Variants in PPP1R9A observed in about 807,000 individuals in gnomAD.
The protein encoded by PPP1R9A is protein phosphatase 1 regulatory subunit 9A.
PPP1R9A carries 59 observed loss-of-function variants against 141.9 expected under a neutral mutation model. That is an observed-to-expected ratio of 0.42 (90% confidence interval 0.34 to 0.52). The LOEUF (loss-of-function observed/expected upper bound fraction) is 0.52. Among genes scored for constraint, PPP1R9A ranks in the 20% least tolerant of loss-of-function variants. The probability of loss-of-function intolerance (pLI) is 0.10; values close to 1 mark genes in which losing one functional copy is unlikely to be tolerated. For missense variants in PPP1R9A, 1,444 were observed against 1,611.9 expected, an observed-to-expected ratio of 0.90 and a Z score of 1.78; for synonymous variants, 500 against 569.7, an observed-to-expected ratio of 0.88 and a Z score of 1.74.
chr7:94,961,748 G>A (rs1349733763), intron 2 of PPP1R9A, among the ~76,000 whole-genome samples: 2 of 151,842 alleles, frequency 1.3e-5, no homozygotes, highest in Admixed American at 1.3e-4. Context: ...GAAAATGTTT[G>A]CCCTTATCGT....
intron 2 of PPP1R9A, among the ~76,000 whole-genome samples, chr7:94,928,243 G>GGT (rs113030678): frequency 4.0e-5 from 6 of 151,550 alleles, no homozygotes; most frequent in African/African-American, 1.2e-4. Context: ...ACATGAAGGG[G>GGT]GTGTGTGTGT....
intron 2 of PPP1R9A, among the ~76,000 whole-genome samples, chr7:95,081,765 T>G (rs1815870267): frequency 6.6e-6 from 1 of 152,212 alleles, no homozygotes; most frequent in African/African-American, 2.4e-5. Flanking sequence ...TTTTCAGAAT[T>G]TTGGAAATTA....
chr7:95,192,406 A>G (rs868734233), intron 5 of PPP1R9A, among the ~76,000 whole-genome samples: 4 of 151,944 alleles, frequency 2.6e-5, no homozygotes, highest in Non-Finnish European at 5.9e-5. Context: ...TGGCATCTCT[A>G]TTTTCTTTTC....
At chr7:95,289,251 T>C (rs986452325) in intron 19 of PPP1R9A, among the ~76,000 whole-genome samples, 3 of 152,166 alleles carry the variant, frequency 2.0e-5, no homozygotes, top group Admixed American at 2.0e-4. Context: ...GAGACCAAGG[T>C]GGCATCCATC....
intron 3 of PPP1R9A, among the ~76,000 whole-genome samples, chr7:95,119,432 T>C (rs897508927): frequency 2.0e-5 from 3 of 152,332 alleles, no homozygotes; most frequent in South Asian, 2.1e-4. Flanking sequence ...TTTAGAGATA[T>C]GGACATTGAG....
At chr7:95,013,054 A>T (rs1490596378) in intron 2 of PPP1R9A, among the ~76,000 whole-genome samples, 1 of 152,114 alleles carries the variant, frequency 6.6e-6, no homozygotes, top group Non-Finnish European at 1.5e-5. Context: ...AATTCACATT[A>T]TTCCTCAAAG....
chr7:95,117,832 A>G (rs914807052), intron 3 of PPP1R9A, among the ~76,000 whole-genome samples: 5 of 152,182 alleles, frequency 3.3e-5, no homozygotes, highest in Non-Finnish European at 7.3e-5. Context: ...CAGCCAGAAT[A>G]CTAATACATA....
chr7:95,184,192 A>G (rs1834296920), intron 5 of PPP1R9A, among the ~76,000 whole-genome samples: 1 of 152,206 alleles, frequency 6.6e-6, no homozygotes, highest in Non-Finnish European at 1.5e-5. Context: ...AAAAGCTATC[A>G]AATTCAGAGA....
chr7:95,185,310 T>A (rs962781429), intron 5 of PPP1R9A, among the ~76,000 whole-genome samples: 2 of 152,120 alleles, frequency 1.3e-5, no homozygotes, highest in African/African-American at 4.8e-5. Flanking sequence ...TTCATACATT[T>A]GTTAGCCACT....
Position 95,198,439 on chromosome 7 carries a change from G to T in PPP1R9A, c.1845G>T (p.Glu615Asp), listed in dbSNP as rs1462369576. 6.2e-7 allele frequency: 1 copy of T among 1,613,184 alleles called. No homozygotes were observed. The highest frequency in any genetic ancestry group is 8.5e-7 in the Non-Finnish European group (1 of 1,179,634). The change falls in exon 6 of 20, where the codon GAG (glutamate) becomes GAT (aspartate). Residue 615 changes from glutamate to aspartate, a missense_variant. This residue lies in a region of PPP1R9A where 488 missense variants were observed against 542.0 expected (regional missense o/e 0.90). Coordinates refer to ENST00000433360, the MANE Select transcript of PPP1R9A (RefSeq NM_001166160.2). Reference protein sequence around the residue: ...QTLEQERRQRELLEQHYAQYD... With the variant: ...QTLEQERRQRDLLEQHYAQYD... ...TGGAACAGGAGAGGCGCCAGAGAGA[G>T]CTGCTGGAACAGCACTATGCCCAGT...
chr7:95,039,512 C>T (rs1808914609), intron 2 of PPP1R9A, among the ~76,000 whole-genome samples: 1 of 149,956 alleles, frequency 6.7e-6, no homozygotes, highest in Non-Finnish European at 1.5e-5. Flanking sequence ...GAGCCAAGAT[C>T]ATGCCACTGT....
chr7:95,043,436 A>T lies in PPP1R9A; in HGVS notation c.1396-67823A>T, dbSNP rs181749795. Among the ~76,000 whole-genome samples, 218 of 152,316 alleles carry T rather than the reference A, an allele frequency of 1.4e-3. 2 individuals carry two copies. Among genetic ancestry groups the T allele is most frequent in the African/African-American group, 4.7e-3 (194 of 41,564 alleles). ...ACATGATGTTTTGTGTGGAGTCCTG[A>T]TAAGTAAGCAACAAGGAGGAAGGGC... On this transcript the variant is annotated intron_variant, in intron 2 of 19. Coordinates refer to ENST00000433360, the MANE Select transcript of PPP1R9A (RefSeq NM_001166160.2).
intron 2 of PPP1R9A, among the ~76,000 whole-genome samples, chr7:95,077,555 GA>G (rs1366740538): frequency 3.3e-5 from 5 of 151,972 alleles, no homozygotes; most frequent in Non-Finnish European, 7.4e-5. Flanking sequence ...TGTAGAGGAG[GA>G]AAAAATAATT....
At chr7:94,988,339 A>C (rs183877678) in intron 2 of PPP1R9A, among the ~76,000 whole-genome samples, 2 of 152,254 alleles carry the variant, frequency 1.3e-5, no homozygotes, top group Non-Finnish European at 2.9e-5. Flanking sequence ...CTTATTTTAC[A>C]TATTTGTAAC....
intron 4 of PPP1R9A, among the ~76,000 whole-genome samples, chr7:95,131,637 TA>T (rs1318905682): frequency 3.3e-5 from 5 of 151,564 alleles, no homozygotes; most frequent in African/African-American, 1.2e-4. Flanking sequence ...ATATGAATTT[TA>T]ACTTTTTTTT....
chr7:95,286,078 T>C, intron 17 of PPP1R9A, 128 bp from the exon 18 acceptor site: 1 of 1,431,480 alleles, frequency 7.0e-7, no homozygotes, highest in East Asian at 2.4e-5. Context: ...CCATTGAAGG[T>C]CATCACCAAA....
chr7:95,177,938 G>A (rs1433005008), intron 5 of PPP1R9A, among the ~76,000 whole-genome samples: 2 of 151,986 alleles, frequency 1.3e-5, no homozygotes, highest in Non-Finnish European at 2.9e-5. Context: ...TAATAGTGGG[G>A]GACTTCAGTA....
At chr7:94,949,225 A>G (rs896997318) in intron 2 of PPP1R9A, among the ~76,000 whole-genome samples, 2 of 152,148 alleles carry the variant, frequency 1.3e-5, no homozygotes, top group Non-Finnish European at 2.9e-5. Context: ...CTCAAGGGCT[A>G]GCACTTGCTT....
intron 4 of PPP1R9A, among the ~76,000 whole-genome samples, chr7:95,139,056 A>G (rs1826170490): frequency 6.6e-6 from 1 of 152,218 alleles, no homozygotes; most frequent in Non-Finnish European, 1.5e-5. Flanking sequence ...GTGAATGACA[A>G]CTTTATTCAT....
Sources: allele counts gnomAD v4.1 joint callset (sites outside exome capture counted in the v4.1 genomes callset), GRCh38; gene constraint gnomAD v4.1.1; regional missense constraint gnomAD v4.1.1; transcripts MANE v1.5; gene names NCBI Gene and HGNC (gene_info 2026-07-23, HGNC 2026-07-21).